Variants in SDK1 observed in about 807,000 individuals in gnomAD.
SDK1 encodes the protein protein sidekick-1.
Under a neutral mutation model 245.5 loss-of-function variants are expected in SDK1, and 157 were observed. The observed-to-expected ratio is 0.64, with a 90% CI of 0.56 to 0.73. The LOEUF is 0.73. SDK1 is among the 30% of genes least tolerant of loss of function. SDK1 has a pLI of 0.00. For missense variants in SDK1, 3,583 were observed against 3,002.3 expected (o/e 1.19, Z -4.52); for synonymous variants, 1,647 against 1,278.5 (o/e 1.29, Z -6.15).
At chr7:3,745,943 C>T (rs771007062) in intron 4 of SDK1, among the ~76,000 whole-genome samples, 1 of 152,172 alleles carries the variant, frequency 6.6e-6, no homozygotes, top group East Asian at 1.9e-4. Context: ...TGGATCCCAG[C>T]TCCACCACAG....
At chr7:4,027,219 T>C (rs1434591243) in intron 17 of SDK1, among the ~76,000 whole-genome samples, 2 of 152,150 alleles carry the variant, frequency 1.3e-5, no homozygotes, top group African/African-American at 2.4e-5. Context: ...CACCTGAGGG[T>C]CATGGACGAT....
intron 4 of SDK1, among the ~76,000 whole-genome samples, chr7:3,780,297 G>A (rs893875329): frequency 2.6e-5 from 4 of 152,146 alleles, no homozygotes; most frequent in African/African-American, 9.7e-5. Flanking sequence ...TGATGCTAAC[G>A]TTCCAGGATG....
intron 1 of SDK1, among the ~76,000 whole-genome samples, chr7:3,478,017 G>A (rs1781399243): frequency 6.6e-6 from 1 of 151,852 alleles, no homozygotes; most frequent in African/African-American, 2.4e-5. Flanking sequence ...CCTTCCTATT[G>A]ATTTGCAACA....
intron 4 of SDK1, among the ~76,000 whole-genome samples, chr7:3,809,303 C>T (rs925958282): frequency 1.1e-4 from 16 of 152,288 alleles, no homozygotes; most frequent in African/African-American, 3.6e-4. Flanking sequence ...GCTAAATATT[C>T]ATGAGAAATC....
chr7:3,486,780 T>C (rs1290248940), intron 1 of SDK1, among the ~76,000 whole-genome samples: 2 of 152,182 alleles, frequency 1.3e-5, no homozygotes, highest in Admixed American at 6.5e-5. Flanking sequence ...CTTGTATTTT[T>C]TTAATTTGTA....
At chr7:3,873,814 T>A (rs1266143185) in intron 5 of SDK1, among the ~76,000 whole-genome samples, 2 of 152,184 alleles carry the variant, frequency 1.3e-5, no homozygotes, top group Non-Finnish European at 2.9e-5. Flanking sequence ...TTTTTATAGT[T>A]TCCATTTTTG....
chr7:4,256,163 G>A (rs377084866), intron 44 of SDK1, among the ~76,000 whole-genome samples: 55 of 152,230 alleles, frequency 3.6e-4, no homozygotes, highest in Non-Finnish European at 5.3e-4. Flanking sequence ...CAAGTGATCC[G>A]CCTGCCTGGT....
intron 4 of SDK1, among the ~76,000 whole-genome samples, chr7:3,807,136 A>T (rs1011457078): frequency 6.6e-6 from 1 of 152,174 alleles, no homozygotes; most frequent in Non-Finnish European, 1.5e-5. Flanking sequence ...GAGAAAAAAA[A>T]ATCTACCCCA....
intron 4 of SDK1, among the ~76,000 whole-genome samples, chr7:3,771,829 G>A (rs962768468): frequency 2.6e-5 from 4 of 152,136 alleles, no homozygotes; most frequent in South Asian, 2.1e-4. Flanking sequence ...TCATATTGTT[G>A]TACAACCATC....
intron 4 of SDK1, among the ~76,000 whole-genome samples, chr7:3,812,465 A>G (rs1166773635): frequency 6.6e-6 from 1 of 152,228 alleles, no homozygotes; most frequent in African/African-American, 2.4e-5. Flanking sequence ...TATATTTAAG[A>G]GTTGAGAGAC....
intron 1 of SDK1, among the ~76,000 whole-genome samples, chr7:3,583,354 T>C (rs1186387331): frequency 6.6e-6 from 1 of 152,202 alleles, no homozygotes; most frequent in Non-Finnish European, 1.5e-5. Context: ...CGGTGCCAAA[T>C]TGCTCTTAAA....
chr7:4,157,025 G>T (rs1780775843), intron 30 of SDK1, among the ~76,000 whole-genome samples: 1 of 152,214 alleles, frequency 6.6e-6, no homozygotes, highest in African/African-American at 2.4e-5. Context: ...CTGCCCGCCA[G>T]GGAGGAGAAC....
At chr7:4,200,633 A>C (rs1273039697) in intron 35 of SDK1, among the ~76,000 whole-genome samples, 4 of 152,206 alleles carry the variant, frequency 2.6e-5, no homozygotes, top group Non-Finnish European at 5.9e-5. Flanking sequence ...GGGCCTCTCC[A>C]TGGGGCCTCT....
At chr7:3,882,069 G>T (rs1781221816) in intron 5 of SDK1, among the ~76,000 whole-genome samples, 1 of 152,158 alleles carries the variant, frequency 6.6e-6, no homozygotes, top group Non-Finnish European at 1.5e-5. Context: ...GTCTTACCTG[G>T]TGGCAGACAA....
At chr7:3,792,841 G>A (rs190414601) in intron 4 of SDK1, among the ~76,000 whole-genome samples, 1 of 152,222 alleles carries the variant, frequency 6.6e-6, no homozygotes, top group East Asian at 1.9e-4. Flanking sequence ...CTTAACATCA[G>A]GACCATTGAT....
chr7:3,873,464 A>T (rs1781005372), intron 5 of SDK1, among the ~76,000 whole-genome samples: 1 of 151,926 alleles, frequency 6.6e-6, no homozygotes, highest in Non-Finnish European at 1.5e-5. Context: ...ATGTCCTCTA[A>T]GCTTTGATGA....
At chr7:4,086,883 T>G (rs1294201541) in intron 22 of SDK1, among the ~76,000 whole-genome samples, 1 of 152,182 alleles carries the variant, frequency 6.6e-6, no homozygotes, top group African/African-American at 2.4e-5. Flanking sequence ...TTTGCCACTG[T>G]ATCTTTGGGG....
At chr7:3,967,749 C>A (rs958160225) in intron 10 of SDK1, among the ~76,000 whole-genome samples, 18 of 152,154 alleles carry the variant, frequency 1.2e-4, no homozygotes, top group African/African-American at 4.3e-4. Flanking sequence ...GTGTGCGTTC[C>A]TATGAGAATC....
intron 4 of SDK1, among the ~76,000 whole-genome samples, chr7:3,734,201 C>T (rs1204540074): frequency 6.6e-6 from 1 of 152,196 alleles, no homozygotes; most frequent in African/African-American, 2.4e-5. Context: ...CATAGTTGTT[C>T]TTACATTTCT....
Sources: gnomAD v4.1 joint callset for allele counts (sites outside exome capture counted in the v4.1 genomes callset) on GRCh38, gnomAD v4.1.1 for gene constraint, MANE v1.5 for transcripts, NCBI Gene and HGNC (gene_info 2026-07-23, HGNC 2026-07-21) for gene names.